LEPR: variants seen among roughly 807,000 people sequenced by gnomAD.
LEPR encodes the protein OB receptor.
LEPR carries 56 observed loss-of-function variants against 114.7 expected under a neutral mutation model. That is an observed-to-expected ratio of 0.49 (90% confidence interval 0.39 to 0.61). The LOEUF (loss-of-function observed/expected upper bound fraction) is 0.61. Among genes scored for constraint, LEPR ranks in the 20% least tolerant of loss-of-function variants. The pLI, the probability that LEPR is intolerant of heterozygous loss-of-function variation, is 0.00. For missense variants in LEPR, 1,202 were observed against 1,352.9 expected (o/e 0.89, Z 1.75); for synonymous variants, 443 against 461.4 (o/e 0.96, Z 0.51).
At chr1:65,590,103 C>A (rs1655584877) in intron 5 of LEPR, among the ~76,000 whole-genome samples, 1 of 151,730 alleles carries the variant, frequency 6.6e-6, no homozygotes, top group Non-Finnish European at 1.5e-5. Flanking sequence ...CCGTCAACAG[C>A]ATTTCATAGT....
intron 2 of LEPR, 121 bp from the exon 3 acceptor site, chr1:65,565,425 T>C (rs1008975582): frequency 1.1e-6 from 1 of 883,142 alleles, no homozygotes; most frequent in Non-Finnish European, 1.8e-6. Context: ...TGATCTAGAG[T>C]ATCACATGTA....
intron 7 of LEPR, among the ~76,000 whole-genome samples, 163 bp downstream of exon 7, chr1:65,596,756 T>A (rs1325126979): frequency 6.6e-6 from 1 of 152,150 alleles, no homozygotes; most frequent in Non-Finnish European, 1.5e-5. Flanking sequence ...TAGATAGATA[T>A]ACGTATGTAT....
chr1:65,632,303 A>C (rs534475063), intron 19 of LEPR, among the ~76,000 whole-genome samples: 9 of 152,266 alleles, frequency 5.9e-5, no homozygotes, highest in African/African-American at 2.2e-4. Context: ...ATGCCCAGAA[A>C]TGCACATTAC....
At chr1:65,421,402 T>C (rs1255660541) in intron 1 of LEPR, 1 of 1,536,140 alleles carries the variant, frequency 6.5e-7, no homozygotes, top group East Asian at 2.4e-5. Context: ...CCCTTATCTG[T>C]ATGGCTTCAG....
At chr1:65,543,000 T>A (rs1651351746) in intron 2 of LEPR, among the ~76,000 whole-genome samples, 1 of 152,004 alleles carries the variant, frequency 6.6e-6, no homozygotes, top group Non-Finnish European at 1.5e-5. Flanking sequence ...CTGGGTCAAA[T>A]GGTATTTCTG....
intron 2 of LEPR, chr1:65,525,698 G>T: frequency 1.0e-6 from 1 of 985,558 alleles, no homozygotes; most frequent in Non-Finnish European, 1.2e-6. Context: ...CACCTTGGGC[G>T]AGGAGTTCGG....
At chr1:65,478,331 C>T (rs559993267) in intron 2 of LEPR, among the ~76,000 whole-genome samples, 8 of 152,266 alleles carry the variant, frequency 5.3e-5, no homozygotes, top group African/African-American at 1.9e-4. Flanking sequence ...ATGGGAATCA[C>T]AATGAAAACT....
Position 65,610,047 on chromosome 1 carries a change from G to T in LEPR, c.1853G>T (p.Gly618Val), listed in dbSNP as rs1463493863. ...AVQVRCKRLD[G>V]LGYWSNWSNP... The stretch of plus-strand genomic sequence containing the variant: ...CAGGTGCGCTGTAAGAGGCTAGATG[G>T]ACTGGGATATTGGAGTAATTGGAGC... Residue 618 changes from glycine to valine, a missense_variant, in exon 13 of 20, where the codon GGA (glycine) becomes GTA (valine). Physicochemically the swap from Gly to Val is moderately radical, Grantham distance 109. Coordinates refer to ENST00000349533, the MANE Select transcript of LEPR (RefSeq NM_002303.6). 16 of 1,614,084 alleles carry T rather than the reference G, an allele frequency of 9.9e-6. No individual in the cohort carries two copies. The highest frequency in any genetic ancestry group is 1.3e-5 in the African/African-American group (1 of 74,942).
intron 2 of LEPR, among the ~76,000 whole-genome samples, chr1:65,476,608 A>C (rs1647162801): frequency 6.6e-6 from 1 of 152,126 alleles, no homozygotes; most frequent in South Asian, 2.1e-4. Flanking sequence ...CAAGGTCCAG[A>C]TCAAACAGCA....
At position 65,602,036 on chromosome 1, in the gene LEPR, G is replaced by C. The variant is rs1656475151; in HGVS notation, c.1403+76G>C. ...AATTTTCTTTAGAAATATTACAACAGTAGTCTTACAGATTATTTGCTTCCT... is the reference window on the plus strand; with the variant it reads ...AATTTTCTTTAGAAATATTACAACACTAGTCTTACAGATTATTTGCTTCCT... On this transcript the variant is annotated intron_variant, in intron 10 of 19. Coordinates refer to ENST00000349533, the MANE Select transcript of LEPR (RefSeq NM_002303.6). 8.2e-6 allele frequency: 10 copies of C among 1,218,314 alleles called. No individual in the cohort carries two copies. The Admixed American group carries it at 1.7e-4, about 20-fold the overall frequency. The allele number at this position is 1,218,314 out of a possible 1,614,324, so 75.5% of individuals were successfully genotyped here. A position where few individuals can be genotyped will look rare whatever the true frequency, so the allele number is the denominator to read the frequency against.
intron 2 of LEPR, among the ~76,000 whole-genome samples, chr1:65,518,879 TTC>T (rs1557636144): frequency 8.7e-5 from 7 of 80,022 alleles, no homozygotes; most frequent in Admixed American, 2.9e-4. Context: ...TTCTTTTTCT[TTC>T]TTTCTTTCTT....
intron 5 of LEPR, among the ~76,000 whole-genome samples, chr1:65,578,624 T>C (rs1043308622): frequency 2.0e-5 from 3 of 152,206 alleles, no homozygotes; most frequent in Admixed American, 6.5e-5. Flanking sequence ...ATGTACAGTA[T>C]TGCTCTCTGG....
intron 2 of LEPR, among the ~76,000 whole-genome samples, chr1:65,541,835 A>C (rs943026001): frequency 6.6e-6 from 1 of 152,202 alleles, no homozygotes; most frequent in African/African-American, 2.4e-5. Context: ...TTATTGTCAG[A>C]ATTGCTTTTC....
At chr1:65,525,937 A>G (rs1047510699) in intron 2 of LEPR, 280 of 854,582 alleles carry the variant, frequency 3.3e-4, no homozygotes, top group Admixed American at 5.0e-4. Flanking sequence ...CCGCTTAGGG[A>G]CTGGGAGTCC....
chr1:65,459,233 C>T lies in LEPR; in HGVS notation c.-21+33855C>T, dbSNP rs114954146. 5.0e-3 allele frequency among the ~76,000 whole-genome samples: 765 copies of T among 152,288 alleles called. 8 individuals are homozygous for T. The highest frequency in any genetic ancestry group is 0.018 in the African/African-American group (737 of 41,540). ...TAAGATGTTGGCAGGCAGAGAATCA[C>T]CCATGGTGTTGCCAGTGGTAGTTAC... On this transcript the variant is annotated intron_variant, in intron 2 of 19. Coordinates refer to ENST00000349533, the MANE Select transcript of LEPR (RefSeq NM_002303.6).
chr1:65,484,822 G>T (rs1397561279), intron 2 of LEPR, among the ~76,000 whole-genome samples: 1 of 152,310 alleles, frequency 6.6e-6, no homozygotes, highest in Non-Finnish European at 1.5e-5. Flanking sequence ...CTTCAATATG[G>T]TTTACTAGAA....
chr1:65,590,190 A>G (rs183806230), intron 5 of LEPR, among the ~76,000 whole-genome samples: 236 of 148,576 alleles, frequency 1.6e-3, no homozygotes, highest in African/African-American at 5.8e-3. Context: ...ATTGTAAATG[A>G]TATTTTAAAA....
chr1:65,444,872 A>G (rs753488088), intron 2 of LEPR, among the ~76,000 whole-genome samples: 73 of 152,346 alleles, frequency 4.8e-4, no homozygotes, highest in Non-Finnish European at 9.4e-4. Context: ...CCATATAACA[A>G]TGAAAAAGCA....
chr1:65,505,655 C>T (rs1184038093), intron 2 of LEPR, among the ~76,000 whole-genome samples: 1 of 152,156 alleles, frequency 6.6e-6, no homozygotes, highest in Non-Finnish European at 1.5e-5. Context: ...CTCTGGCTCA[C>T]ACTTGGCTCT....
Sources: allele counts gnomAD v4.1 joint callset (sites outside exome capture counted in the v4.1 genomes callset), GRCh38; gene constraint gnomAD v4.1.1; transcripts MANE v1.5; gene names NCBI Gene and HGNC (gene_info 2026-07-23, HGNC 2026-07-21).